The following PLCB1 variants were observed in gnomAD, a reference collection of about 807,000 sequenced individuals.
PLCB1 encodes 1-phosphatidylinositol 4,5-bisphosphate phosphodiesterase beta-1.
Under a neutral mutation model 161.8 loss-of-function variants are expected in PLCB1, and 46 were observed. That is an observed-to-expected ratio of 0.28 (90% CI 0.22 to 0.36). PLCB1 has a LOEUF of 0.36. Ranked by LOEUF, PLCB1 falls within the 10% of genes least tolerant of loss-of-function variation. The pLI is 1.00. For synonymous variants in PLCB1, 517 were observed against 503.7 expected, an observed-to-expected ratio of 1.03 and a Z score of -0.35; for missense variants, 1,016 against 1,472.5, an observed-to-expected ratio of 0.69 and a Z score of 5.07.
At chr20:8,662,745 C>T (rs1206099711) in intron 9 of PLCB1, among the ~76,000 whole-genome samples, 4 of 151,524 alleles carry the variant, frequency 2.6e-5, no homozygotes, top group Non-Finnish European at 4.4e-5. Flanking sequence ...AGATGCTTAG[C>T]AAAGGCCCAC....
At chr20:8,802,006 A>T in intron 31 of PLCB1, 1 of 1,089,728 alleles carries the variant, frequency 9.2e-7, no homozygotes, top group Non-Finnish European at 1.4e-6. Context: ...ATGACTTAGA[A>T]ATCAATTTCA....
rs571431857 is a variant in PLCB1, at chr20:8,416,886, A to C, written c.246+45436A>C. On this transcript the variant is annotated intron_variant, in intron 3 of 31. Coordinates refer to ENST00000338037, the MANE Select transcript of PLCB1 (RefSeq NM_015192.4). ...AATGCTACGCATAGTGCTTTTGGGA[A>C]ATAGTCCTTGATGGTGTCTCTTTTA... Among the ~76,000 whole-genome samples the C allele has an allele frequency of 1.1e-4, 16 of 149,070 alleles. No individual in the cohort carries two copies. The East Asian group carries it at 3.0e-3, about 28-fold the overall frequency.
At chr20:8,247,851 C>T (rs368494509) in intron 2 of PLCB1, among the ~76,000 whole-genome samples, 12 of 151,866 alleles carry the variant, frequency 7.9e-5, no homozygotes, top group Admixed American at 3.9e-4. Flanking sequence ...TTCAAGTGTC[C>T]AGATTGCACC....
intron 3 of PLCB1, among the ~76,000 whole-genome samples, chr20:8,498,139 C>T (rs941587766): frequency 6.6e-6 from 1 of 152,116 alleles, no homozygotes; most frequent in East Asian, 1.9e-4. Flanking sequence ...TGCTCTGTTG[C>T]CAGGCTGGAG....
chr20:8,198,269 A>G (rs1265719840), intron 2 of PLCB1, among the ~76,000 whole-genome samples: 2 of 152,128 alleles, frequency 1.3e-5, no homozygotes, highest in Admixed American at 1.3e-4. Flanking sequence ...CATTTTCACA[A>G]TATTGATTCT....
chr20:8,768,074 G>A (rs1454307957), intron 26 of PLCB1, among the ~76,000 whole-genome samples: 1 of 152,100 alleles, frequency 6.6e-6, no homozygotes, highest in Non-Finnish European at 1.5e-5. Flanking sequence ...GGAGGCTGAG[G>A]TAGGAGGATT....
intron 12 of PLCB1, among the ~76,000 whole-genome samples, chr20:8,715,327 G>A (rs552800378): frequency 3.9e-5 from 6 of 152,220 alleles, no homozygotes; most frequent in African/African-American, 1.2e-4. Context: ...ACAAGTTACT[G>A]GGCGTAGGAT....
chr20:8,478,237 A>G (rs1412077578), intron 3 of PLCB1, among the ~76,000 whole-genome samples: 1 of 152,254 alleles, frequency 6.6e-6, no homozygotes, highest in Non-Finnish European at 1.5e-5. Flanking sequence ...GCAAAAGGTT[A>G]GTTTCATGGC....
At position 8,635,472 on chromosome 20, in the gene PLCB1, G is replaced by T. The variant is rs140683180; in HGVS notation, c.384+7041G>T. On this transcript the variant is annotated intron_variant, in intron 4 of 31. Coordinates refer to ENST00000338037, the MANE Select transcript of PLCB1 (RefSeq NM_015192.4). ...GATTGGTTGCTTAAGGCTTTTCCTA[G>T]AATAATTCTCTCTCCAGCTTGCCAG... Among the ~76,000 whole-genome samples, 267 of 152,230 alleles carry T rather than the reference G, an allele frequency of 1.8e-3. 3 individuals carry two copies. The highest frequency in any genetic ancestry group is 6.1e-3 in the African/African-American group (253 of 41,546).
chr20:8,227,665 A>T (rs1455490872), intron 2 of PLCB1, among the ~76,000 whole-genome samples: 2 of 152,234 alleles, frequency 1.3e-5, no homozygotes, highest in Non-Finnish European at 1.5e-5. Context: ...GCCACGCTTT[A>T]AAAATATCAT....
At chr20:8,360,435 T>G (rs575068096) in intron 2 of PLCB1, among the ~76,000 whole-genome samples, 49 of 152,314 alleles carry the variant, frequency 3.2e-4, no homozygotes, top group African/African-American at 8.7e-4. Flanking sequence ...CTACATTGAT[T>G]TTTTTTCAAT....
intron 9 of PLCB1, among the ~76,000 whole-genome samples, chr20:8,664,229 C>A (rs977979464): frequency 9.2e-5 from 14 of 152,056 alleles, no homozygotes; most frequent in African/African-American, 3.1e-4. Flanking sequence ...GTATACTATA[C>A]AAAAGCGTCC....
intron 3 of PLCB1, among the ~76,000 whole-genome samples, chr20:8,374,246 T>G (rs538842861): frequency 2.8e-4 from 43 of 152,242 alleles, no homozygotes; most frequent in African/African-American, 1.0e-3. Context: ...GTTTTATAAG[T>G]GTTTGGTAGT....
intron 2 of PLCB1, among the ~76,000 whole-genome samples, chr20:8,231,793 C>T (rs541821714): frequency 2.6e-4 from 40 of 152,210 alleles, no homozygotes; most frequent in Non-Finnish European, 5.0e-4. Context: ...TTGGCTGATC[C>T]ACAGTAGAGG....
At chr20:8,367,456 A>G (rs764857682) in intron 2 of PLCB1, among the ~76,000 whole-genome samples, 1 of 152,172 alleles carries the variant, frequency 6.6e-6, no homozygotes. Flanking sequence ...TTTTCAGGTG[A>G]CTGTAATGCA....
At chr20:8,671,816 A>T (rs923615047) in intron 9 of PLCB1, among the ~76,000 whole-genome samples, 7 of 152,140 alleles carry the variant, frequency 4.6e-5, no homozygotes, top group Admixed American at 6.5e-5. Context: ...ACCCACCACT[A>T]TCTGTCTTTC....
At chr20:8,831,955 T>TG (rs1491325020) in intron 31 of PLCB1, among the ~76,000 whole-genome samples, 2 of 112,948 alleles carry the variant, frequency 1.8e-5, no homozygotes, top group African/African-American at 3.5e-5. Flanking sequence ...TCTTTCTTTC[T>TG]TTCTTTCTTT....
chr20:8,305,856 A>G (rs1298381609), intron 2 of PLCB1: 1 of 152,150 alleles, frequency 6.6e-6, no homozygotes, highest in Non-Finnish European at 1.5e-5. Context: ...GTGCCGCTGC[A>G]GTGGTTAGCT....
chr20:8,167,771 A>G (rs1381825004), intron 2 of PLCB1, among the ~76,000 whole-genome samples: 1 of 152,238 alleles, frequency 6.6e-6, no homozygotes, highest in African/African-American at 2.4e-5. Context: ...CAAAGACATT[A>G]GTCAGCTTTT....
Sources: gnomAD v4.1 joint callset for allele counts (sites outside exome capture counted in the v4.1 genomes callset) on GRCh38, gnomAD v4.1.1 for gene constraint, MANE v1.5 for transcripts, NCBI Gene and HGNC (gene_info 2026-07-23, HGNC 2026-07-21) for gene names.